Variants in NIPAL4 observed in about 807,000 individuals in gnomAD.
The protein encoded by NIPAL4 is magnesium transporter NIPA4.
In NIPAL4, 21 loss-of-function variants were observed where a neutral mutation model predicts 31.6. The observed-to-expected ratio is 0.67, with a 90% CI of 0.47 to 0.96. The LOEUF (loss-of-function observed/expected upper bound fraction) is 0.96, where lower values mean the gene tolerates loss of function less well. Among genes scored for constraint, NIPAL4 ranks in the 40% least tolerant of loss-of-function variants. NIPAL4 has a pLI of 0.00. For missense variants in NIPAL4, 438 were observed against 508.0 expected, an observed-to-expected ratio of 0.86 and a Z score of 1.32; for synonymous variants, 175 against 211.1, an observed-to-expected ratio of 0.83 and a Z score of 1.48.
At chr5:157,464,729 G>A (rs1180360721) in intron 2 of NIPAL4, among the ~76,000 whole-genome samples, 2 of 151,666 alleles carry the variant, frequency 1.3e-5, no homozygotes, top group Admixed American at 6.6e-5. Flanking sequence ...AGGTTTATGG[G>A]AAGATGATGC....
intron 3 of NIPAL4, among the ~76,000 whole-genome samples, chr5:157,468,519 C>T (rs975923674): frequency 6.6e-6 from 1 of 152,196 alleles, no homozygotes; most frequent in Non-Finnish European, 1.5e-5. Context: ...GCCTTAGCTT[C>T]ACCATCTTTA....
At chr5:157,466,398 G>A (rs1754273150) in intron 2 of NIPAL4, among the ~76,000 whole-genome samples, 1 of 152,196 alleles carries the variant, frequency 6.6e-6, no homozygotes, top group African/African-American at 2.4e-5. Flanking sequence ...AGAAGCCATT[G>A]CCAGCCATAA....
Position 157,468,773 on chromosome 5 carries a change from C to T in NIPAL4, c.386C>T (p.Thr129Ile). The T allele has an allele frequency of 6.2e-7, 1 of 1,611,666 alleles. No individual in the cohort carries two copies. The highest frequency in any genetic ancestry group is 8.5e-7 in the Non-Finnish European group (1 of 1,178,432). The change falls in exon 4 of 6, where the codon ACA (threonine) becomes ATA (isoleucine). Residue 129 changes from threonine (T) to isoleucine (I), a missense_variant. Coordinates refer to ENST00000311946, the MANE Select transcript of NIPAL4 (RefSeq NM_001099287.2). Reference protein sequence around the residue: ...NFGAYAFAPATVVTPLGALSV... With the variant: ...NFGAYAFAPAIVVTPLGALSV... Reference sequence around the variant, plus strand: ...GGAGCCTACGCATTTGCACCTGCAACAGTCGTCACGCCTCTGGGAGCGCTG... The same window carrying T: ...GGAGCCTACGCATTTGCACCTGCAATAGTCGTCACGCCTCTGGGAGCGCTG...
chr5:157,464,060 T>C (rs923215187), intron 2 of NIPAL4, among the ~76,000 whole-genome samples: 1 of 151,914 alleles, frequency 6.6e-6, no homozygotes, highest in Non-Finnish European at 1.5e-5. Context: ...CAGCCTGCTA[T>C]GGGGGAATAT....
chr5:157,463,092 A>G lies in NIPAL4; in HGVS notation c.38-2A>G, dbSNP rs773222147. The stretch of plus-strand genomic sequence containing the variant: ...CTCTCTCACTGTGGTCTTCCCATCC[A>G]GGTTCCCTGCTCCACCTCTACTGCT... On this transcript the variant is annotated splice_acceptor_variant, in intron 1 of 5. Coordinates refer to ENST00000311946, the MANE Select transcript of NIPAL4 (RefSeq NM_001099287.2). LOFTEE classifies it high-confidence loss of function. The G allele has an allele frequency of 6.2e-7, 1 of 1,613,808 alleles. No homozygotes were observed. Among genetic ancestry groups the G allele is most frequent in the Non-Finnish European group, 8.5e-7 (1 of 1,179,718 alleles).
chr5:157,472,481 G>A lies in NIPAL4; in HGVS notation c.736G>A (p.Gly246Ser). Reference sequence around the variant, plus strand: ...CTCTGTGGCTGCTGTCAAGGGGCTGGGCATCACCATCAAGAACTTCTTCCA... The same window carrying A: ...CTCTGTGGCTGCTGTCAAGGGGCTGAGCATCACCATCAAGAACTTCTTCCA... ...AFSVAAVKGL[G>S]ITIKNFFQGL... Residue 246 changes from glycine to serine, a missense_variant, in exon 6 of 6, where the codon GGC becomes AGC. Physicochemically the swap from Gly to Ser is moderately conservative, Grantham distance 56 (BLOSUM62 0). Transcript: ENST00000311946. The A allele has an allele frequency of 6.2e-7, 1 of 1,613,756 alleles. No homozygotes were observed. Among genetic ancestry groups the A allele is most frequent in the South Asian group, 1.1e-5 (1 of 91,040 alleles).
intron 2 of NIPAL4, among the ~76,000 whole-genome samples, chr5:157,464,160 G>A (rs1332647715): frequency 6.6e-6 from 1 of 152,164 alleles, no homozygotes; most frequent in Non-Finnish European, 1.5e-5. Flanking sequence ...AGATTATGAG[G>A]AGACAGCAAG....
chr5:157,472,265 A>G (rs557463953), intron 5 of NIPAL4, 67 bp from the exon 6 acceptor site: 2 of 1,455,464 alleles, frequency 1.4e-6, no homozygotes, highest in East Asian at 4.6e-5. Flanking sequence ...CACTGCCATG[A>G]GTCTGGGCCC....
intron 2 of NIPAL4, among the ~76,000 whole-genome samples, chr5:157,464,674 G>A (rs1446415791): frequency 6.6e-6 from 1 of 152,164 alleles, no homozygotes; most frequent in Non-Finnish European, 1.5e-5. Context: ...CAACTGGGGT[G>A]ATGAAAGTGC....
intron 1 of NIPAL4, among the ~76,000 whole-genome samples, chr5:157,462,750 A>T (rs1219377086): frequency 6.6e-6 from 1 of 152,224 alleles, no homozygotes; most frequent in Non-Finnish European, 1.5e-5. Flanking sequence ...ACCCTCCTGG[A>T]AAACCCCAGA....
chr5:157,464,688 T>C (rs1251306527), intron 2 of NIPAL4, among the ~76,000 whole-genome samples: 1 of 152,158 alleles, frequency 6.6e-6, no homozygotes, highest in East Asian at 1.9e-4. Flanking sequence ...AAAGTGCTAT[T>C]TCTTGAGATG....
At chr5:157,468,976 A>G (rs1458943932) in intron 4 of NIPAL4, among the ~76,000 whole-genome samples, 164 bp downstream of exon 4, 1 of 152,150 alleles carries the variant, frequency 6.6e-6, no homozygotes, top group Admixed American at 6.5e-5. Context: ...GACCCTGGGA[A>G]TGTTTGCTGC....
At chr5:157,460,585 T>G in intron 1 of NIPAL4, 6 of 508,850 alleles carry the variant, frequency 1.2e-5, no homozygotes, top group African/African-American at 2.0e-5. Context: ...GGAAAGTATG[T>G]CCCCTGGGTT....
At chr5:157,466,051 AAG>A (rs72005574) in intron 2 of NIPAL4, among the ~76,000 whole-genome samples, 44,842 of 150,936 alleles carry the variant, frequency 0.3, 7,189 homozygotes, top group East Asian at 0.72. Flanking sequence ...GGAGGGAAGG[AAG>A]AGAGAGAGAA....
intron 2 of NIPAL4, 27 bp from the exon 3 acceptor site, chr5:157,467,022 C>T (rs1356762765): frequency 1.3e-6 from 2 of 1,594,412 alleles, no homozygotes; most frequent in East Asian, 2.2e-5. Flanking sequence ...AAGTTCCATC[C>T]TAACTTTGTG....
Position 157,471,687 on chromosome 5 carries a change from G to C in NIPAL4, c.456G>C (p.Glu152Asp). 1 of 1,608,476 alleles carries C rather than the reference G, an allele frequency of 6.2e-7. No homozygotes were observed. The change falls in exon 5 of 6, where the codon GAG becomes GAC. Residue 152 changes from glutamate to aspartate, a missense_variant. By Grantham distance (45) the Glu-to-Asp change is conservative (BLOSUM62 2). Transcript: ENST00000311946. ...TCCTCTCCTCATATTTCCTGAGGGAGAGTCTGAACCTGCTGGGGAAGCTGG... is the reference window on the plus strand; with the variant it reads ...TCCTCTCCTCATATTTCCTGAGGGACAGTCTGAACCTGCTGGGGAAGCTGG... ...SAILSSYFLR[E>D]SLNLLGKLGC... is the part of the protein sequence containing the mutation.
intron 4 of NIPAL4, among the ~76,000 whole-genome samples, chr5:157,469,014 G>C (rs934965860): frequency 1.2e-4 from 18 of 152,192 alleles, no homozygotes; most frequent in African/African-American, 4.1e-4. Context: ...CCTTGACTGG[G>C]TAATAGAGAG....
intron 1 of NIPAL4, 98 bp downstream of exon 1, chr5:157,460,455 C>A (rs2113655561): frequency 2.4e-6 from 3 of 1,261,042 alleles, no homozygotes; most frequent in South Asian, 1.3e-5. Flanking sequence ...CCAGGGGGGC[C>A]AAAGCTGGGG....
intron 5 of NIPAL4, 59 bp from the exon 6 acceptor site, chr5:157,472,273 C>A: frequency 6.6e-7 from 1 of 1,508,852 alleles, no homozygotes; most frequent in South Asian, 1.2e-5. Context: ...TGAGTCTGGG[C>A]CCTAGACATT....
Sources: allele counts gnomAD v4.1 joint callset (sites outside exome capture counted in the v4.1 genomes callset), GRCh38; gene constraint gnomAD v4.1.1; transcripts MANE v1.5; gene names NCBI Gene and HGNC (gene_info 2026-07-23, HGNC 2026-07-21).